The following LEKR1 variants were observed in gnomAD, a reference collection of about 807,000 sequenced individuals.
The protein encoded by LEKR1 is leucine, glutamate and lysine rich 1.
In LEKR1, 59 loss-of-function variants were observed where a neutral mutation model predicts 72.4. That is an observed-to-expected ratio of 0.82 (90% confidence interval 0.66 to 1.01). The LOEUF is 1.01. LEKR1 is among the 50% of genes least tolerant of loss of function. The pLI is 0.00. For missense variants in LEKR1, 728 were observed against 759.2 expected, an observed-to-expected ratio of 0.96 and a Z score of 0.48; for synonymous variants, 257 against 263.2, an observed-to-expected ratio of 0.98 and a Z score of 0.23.
rs544800998 is a variant in LEKR1, at chr3:156,942,608, A to G, written c.639A>G (p.Lys213=). 19 of 1,269,652 alleles carry G rather than the reference A, an allele frequency of 1.5e-5. No homozygotes were observed. In the Admixed American group the frequency reaches 2.0e-4, roughly 13 times the overall value. The allele number at this position is 1,269,652 out of a possible 1,614,324, so 78.6% of individuals were successfully genotyped here. A position where few individuals can be genotyped will look rare whatever the true frequency, so the allele number is the denominator to read the frequency against. ...VCLEKEMKNL[K]LLSDAAILRS... is the part of the protein sequence containing the mutation. ...TTGAAAAGGAAATGAAAAATCTGAA[A>G]TTGTTGTCAGATGCAGCCATATTGA... Residue 213 remains lysine, a synonymous_variant, in exon 6 of 13, where the codon AAA becomes AAG. Coordinates refer to ENST00000356539, the MANE Select transcript of LEKR1 (RefSeq NM_001004316.3).
chr3:157,022,314 A>G (rs1165191591), intron 10 of LEKR1, among the ~76,000 whole-genome samples: 4 of 152,192 alleles, frequency 2.6e-5, no homozygotes, highest in African/African-American at 9.6e-5. Flanking sequence ...AAAAAAATCT[A>G]ATTTATAGTT....
intron 4 of LEKR1, among the ~76,000 whole-genome samples, chr3:156,922,555 C>T (rs145923569): frequency 1.2e-3 from 187 of 152,178 alleles, no homozygotes; most frequent in African/African-American, 4.3e-3. Flanking sequence ...AATTTCTTCT[C>T]TCTTTTGTTT....
Position 156,992,670 on chromosome 3 carries a change from C to A in LEKR1, c.845C>A (p.Ala282Asp). 1 of 959,428 alleles carries A rather than the reference C, an allele frequency of 1.0e-6. No homozygotes were observed. Among genetic ancestry groups the A allele is most frequent in the Non-Finnish European group, 1.3e-6 (1 of 752,028 alleles). 59.4% of individuals were successfully genotyped at this position (959,428 alleles called of 1,614,324 possible). A position where few individuals can be genotyped will look rare whatever the true frequency, so the allele number is the denominator to read the frequency against. The change falls in exon 8 of 13, where the codon GCT (alanine) becomes GAT (aspartate). Residue 282 changes from alanine (A) to aspartate (D), a missense_variant. By Grantham distance (126) the Ala-to-Asp change is moderately radical. Coordinates refer to ENST00000356539, the MANE Select transcript of LEKR1 (RefSeq NM_001004316.3). Reference sequence around the variant, plus strand: ...TATTTTAGGAATAAATCTAATGAAGCTGATGACTGTCAAAGAGAACTTAAA... The same window carrying A: ...TATTTTAGGAATAAATCTAATGAAGATGATGACTGTCAAAGAGAACTTAAA... ...KEMLMNKSNE[A>D]DDCQRELKKL...
chr3:156,935,516 A>G (rs1725612424), intron 5 of LEKR1, among the ~76,000 whole-genome samples: 2 of 152,228 alleles, frequency 1.3e-5, no homozygotes, highest in Non-Finnish European at 2.9e-5. Context: ...ATTTAACAGC[A>G]ATCCTAATAG....
intron 2 of LEKR1, among the ~76,000 whole-genome samples, chr3:156,852,378 CAGG>C (rs1207318784): frequency 6.6e-6 from 1 of 152,112 alleles, no homozygotes. Context: ...CTGAAAAAGC[CAGG>C]AGAACAGAGC....
intron 11 of LEKR1, among the ~76,000 whole-genome samples, chr3:157,027,646 T>A (rs1734293691): frequency 6.6e-6 from 1 of 151,922 alleles, no homozygotes. Context: ...AGAGACACCA[T>A]CTCTACAAAA....
At chr3:156,884,359 A>G (rs779770471) in intron 3 of LEKR1, among the ~76,000 whole-genome samples, 3 of 151,590 alleles carry the variant, frequency 2.0e-5, no homozygotes, top group Non-Finnish European at 2.9e-5. Flanking sequence ...CTGTTGTGTT[A>G]TTGCTTTATA....
chr3:157,021,653 G>C (rs552225618), intron 10 of LEKR1, among the ~76,000 whole-genome samples: 1 of 152,056 alleles, frequency 6.6e-6, no homozygotes, highest in Non-Finnish European at 1.5e-5. Flanking sequence ...GAAAGATGTC[G>C]TTTTGTCCTA....
intron 3 of LEKR1, among the ~76,000 whole-genome samples, chr3:156,908,091 C>T (rs956192053): frequency 6.6e-6 from 1 of 152,102 alleles, no homozygotes; most frequent in African/African-American, 2.4e-5. Context: ...GTGCCCTTCT[C>T]AGTGCATCAT....
chr3:156,936,467 C>CACACACACACACACACACACACACACA (rs767163001), intron 5 of LEKR1, among the ~76,000 whole-genome samples: 1 of 70,054 alleles, frequency 1.4e-5, no homozygotes, highest in African/African-American at 3.2e-5. Context: ...ACACACACAC[C>CACACACACACACACACACACACACACA]CCCCGTATGC....
At chr3:157,040,855 G>A (rs1397252617) in intron 12 of LEKR1, among the ~76,000 whole-genome samples, 1 of 152,144 alleles carries the variant, frequency 6.6e-6, no homozygotes, top group Non-Finnish European at 1.5e-5. Flanking sequence ...AAATACAGCT[G>A]ATTCCCGTTG....
chr3:156,996,023 GTGAA>G (rs1190166569), intron 9 of LEKR1, among the ~76,000 whole-genome samples: 1 of 152,012 alleles, frequency 6.6e-6, no homozygotes, highest in Non-Finnish European at 1.5e-5. Context: ...TGTTGCATGA[GTGAA>G]TGAATGAATG....
chr3:157,037,110 A>G (rs991994291), intron 12 of LEKR1, among the ~76,000 whole-genome samples: 1 of 152,168 alleles, frequency 6.6e-6, no homozygotes, highest in African/African-American at 2.4e-5. Flanking sequence ...TGGTATAGGA[A>G]GCTGAACCCT....
intron 3 of LEKR1, among the ~76,000 whole-genome samples, chr3:156,915,567 G>A (rs950503186): frequency 2.6e-5 from 4 of 151,926 alleles, no homozygotes; most frequent in Non-Finnish European, 5.9e-5. Context: ...CTTTTGAGAA[G>A]TGTCTGTTCA....
At chr3:157,018,368 A>G (rs987841858) in intron 10 of LEKR1, among the ~76,000 whole-genome samples, 3 of 152,228 alleles carry the variant, frequency 2.0e-5, no homozygotes, top group Non-Finnish European at 4.4e-5. Flanking sequence ...TGACAGCAGA[A>G]TACACATTCT....
In LEKR1 at chr3:156,839,923, A is replaced by C. The variant is rs371098662; in HGVS notation, c.48+10546A>C. 4.6e-5 allele frequency among the ~76,000 whole-genome samples: 7 copies of C among 152,284 alleles called. No homozygotes were observed. In the East Asian group the frequency reaches 7.7e-4, roughly 17 times the overall value. ...GACATATTTCCTCAAAGTTACTCCA[A>C]GCGTGCCTGTCTTTTTTGCCTCCCC... On this transcript the variant is annotated intron_variant, in intron 2 of 12. Transcript: ENST00000356539.
At chr3:156,889,821 A>G (rs894201457) in intron 3 of LEKR1, among the ~76,000 whole-genome samples, 5 of 152,238 alleles carry the variant, frequency 3.3e-5, no homozygotes, top group Non-Finnish European at 5.9e-5. Context: ...TACAGTGTAC[A>G]AGTAAAAATC....
intron 6 of LEKR1, among the ~76,000 whole-genome samples, chr3:156,978,603 T>G (rs1729906700): frequency 6.6e-6 from 1 of 152,196 alleles, no homozygotes; most frequent in South Asian, 2.1e-4. Flanking sequence ...CAGGGCTGCT[T>G]GAATAATAAT....
intron 12 of LEKR1, among the ~76,000 whole-genome samples, chr3:157,035,282 G>T (rs1042764810): frequency 1.3e-5 from 2 of 152,116 alleles, no homozygotes; most frequent in African/African-American, 2.4e-5. Context: ...CTGAAAGAGG[G>T]ATGTAAGGGT....
Sources: gnomAD v4.1 joint callset for allele counts (sites outside exome capture counted in the v4.1 genomes callset) on GRCh38, gnomAD v4.1.1 for gene constraint, MANE v1.5 for transcripts, NCBI Gene and HGNC (gene_info 2026-07-23, HGNC 2026-07-21) for gene names.